PARP8: variants seen among roughly 807,000 people sequenced by gnomAD.
The protein encoded by PARP8 is protein mono-ADP-ribosyltransferase PARP8.
In PARP8, 51 loss-of-function variants were observed where a neutral mutation model predicts 124.1. That is an observed-to-expected ratio of 0.41 (90% CI 0.33 to 0.52). The LOEUF (loss-of-function observed/expected upper bound fraction) is 0.52. Among genes scored for constraint, PARP8 ranks in the 20% least tolerant of loss-of-function variants. The pLI, the probability that PARP8 is intolerant of heterozygous loss-of-function variation, is 0.21. For synonymous variants in PARP8, 391 were observed against 361.5 expected, an observed-to-expected ratio of 1.08 and a Z score of -0.93; for missense variants, 860 against 1,018.9, an observed-to-expected ratio of 0.84 and a Z score of 2.12.
At chr5:50,819,624 A>G (rs1345318962) in intron 15 of PARP8, among the ~76,000 whole-genome samples, 3 of 151,580 alleles carry the variant, frequency 2.0e-5, no homozygotes, top group Non-Finnish European at 2.9e-5. Context: ...TATTTTTAGT[A>G]GAGACGGGGT....
intron 2 of PARP8, among the ~76,000 whole-genome samples, chr5:50,698,309 C>CCTTTGTA (rs1410004561): frequency 6.6e-6 from 1 of 152,146 alleles, no homozygotes; most frequent in Non-Finnish European, 1.5e-5. Flanking sequence ...TTCAACATGA[C>CCTTTGTA]CTTTGTACTT....
intron 2 of PARP8, chr5:50,741,723 T>C (rs968013725): frequency 1.3e-5 from 4 of 301,166 alleles, no homozygotes; most frequent in African/African-American, 9.2e-5. Context: ...TTAATGTTTG[T>C]TGGGCAAGAG....
chr5:50,798,984 TA>T (rs1484954108), intron 14 of PARP8, among the ~76,000 whole-genome samples: 1 of 152,230 alleles, frequency 6.6e-6, no homozygotes, highest in Non-Finnish European at 1.5e-5. Context: ...CTTTACCACA[TA>T]TATGATTTGC....
intron 25 of PARP8, 151 bp downstream of exon 25, chr5:50,835,166 C>T (rs1580510294): frequency 1.6e-6 from 1 of 631,104 alleles, no homozygotes; most frequent in East Asian, 2.8e-5. Context: ...TTTCAGTAAG[C>T]CATTAAAAAA....
At chr5:50,695,434 A>C (rs1752921964) in intron 2 of PARP8, among the ~76,000 whole-genome samples, 1 of 152,176 alleles carries the variant, frequency 6.6e-6, no homozygotes, top group Admixed American at 6.5e-5. Flanking sequence ...TGATTGTTGG[A>C]GTCTGACCAG....
intron 3 of PARP8, among the ~76,000 whole-genome samples, chr5:50,752,472 A>C (rs1580206501): frequency 6.6e-6 from 1 of 151,924 alleles, no homozygotes; most frequent in Non-Finnish European, 1.5e-5. Context: ...GAAAGTTTCT[A>C]TGTTGGTGAA....
chr5:50,720,654 T>G (rs1220418259), intron 2 of PARP8, among the ~76,000 whole-genome samples: 2 of 152,022 alleles, frequency 1.3e-5, no homozygotes, highest in Admixed American at 1.3e-4. Context: ...ATAGTCCTGA[T>G]TCAGTGCACC....
intron 17 of PARP8, among the ~76,000 whole-genome samples, chr5:50,822,740 ATTAT>A (rs1745901856): frequency 1.3e-5 from 2 of 152,336 alleles, no homozygotes; most frequent in East Asian, 3.9e-4. Context: ...ATTTCAAAAC[ATTAT>A]TTGAGTATTA....
chr5:50,774,489 G>A (rs1282291088), intron 7 of PARP8, among the ~76,000 whole-genome samples: 10 of 150,266 alleles, frequency 6.7e-5, no homozygotes, highest in African/African-American at 2.2e-4. Context: ...CAGACGGGGC[G>A]GCCGGGCAGA....
At chr5:50,683,491 C>T (rs147934680) in intron 2 of PARP8, among the ~76,000 whole-genome samples, 1,559 of 152,144 alleles carry the variant, frequency 0.01, 25 homozygotes, top group Non-Finnish European at 0.013. Flanking sequence ...GTGACTTCTG[C>T]CTTCATTATG....
intron 2 of PARP8, among the ~76,000 whole-genome samples, chr5:50,695,444 G>C (rs146659051): frequency 1.6e-3 from 247 of 152,216 alleles, no homozygotes; most frequent in African/African-American, 5.6e-3. Context: ...AGTCTGACCA[G>C]CTTAGCTAAT....
At chr5:50,782,478 G>C (rs897974493) in intron 9 of PARP8, among the ~76,000 whole-genome samples, 3 of 152,182 alleles carry the variant, frequency 2.0e-5, no homozygotes, top group Non-Finnish European at 4.4e-5. Flanking sequence ...ACTGGAGACA[G>C]TGTTACTAAA....
intron 2 of PARP8, among the ~76,000 whole-genome samples, chr5:50,670,892 AT>A (rs1387628080): frequency 6.6e-6 from 1 of 152,224 alleles, no homozygotes; most frequent in Non-Finnish European, 1.5e-5. Context: ...AGGTGTAATT[AT>A]TTGGTTATAA....
chr5:50,721,556 T>TA (rs1755887043), intron 2 of PARP8, among the ~76,000 whole-genome samples: 1 of 152,092 alleles, frequency 6.6e-6, no homozygotes, highest in African/African-American at 2.4e-5. Flanking sequence ...ACCTGTGACT[T>TA]ACTAAATAAC....
intron 14 of PARP8, among the ~76,000 whole-genome samples, chr5:50,802,181 T>C (rs1038826031): frequency 1.4e-4 from 21 of 152,200 alleles, no homozygotes; most frequent in Non-Finnish European, 2.6e-4. Flanking sequence ...TTCTTTTGTG[T>C]GTTTAATAGG....
rs1290565525 is a variant in PARP8, at chr5:50,709,997, TAC to T, written c.147-40144_147-40143del. ...ACACACACACATATATATACATATA[TAC>T]ACACACACATATATACACACATATA... is the stretch of plus-strand genomic sequence containing the variant. On this transcript the variant is annotated intron_variant, in intron 2 of 25. Transcript: ENST00000281631. Among the ~76,000 whole-genome samples, 4 of 147,406 alleles carry T rather than the reference TAC, an allele frequency of 2.7e-5. 1 individual carries two copies. The highest frequency in any genetic ancestry group is 5.0e-5 in the African/African-American group (2 of 40,364).
At chr5:50,728,003 C>T (rs1335599687) in intron 2 of PARP8, among the ~76,000 whole-genome samples, 1 of 152,132 alleles carries the variant, frequency 6.6e-6, no homozygotes, top group Non-Finnish European at 1.5e-5. Flanking sequence ...AGTGGGTCTT[C>T]AGTAATCATT....
At chr5:50,770,150 C>T (rs572909696) in intron 7 of PARP8, among the ~76,000 whole-genome samples, 29 of 152,166 alleles carry the variant, frequency 1.9e-4, no homozygotes, top group Non-Finnish European at 3.8e-4. Context: ...ATTTTTTCTC[C>T]TATCAACATG....
intron 1 of PARP8, 23 bp downstream of exon 1, chr5:50,667,209 C>T (rs1208103914): frequency 1.3e-6 from 2 of 1,595,690 alleles, no homozygotes; most frequent in Non-Finnish European, 1.7e-6. Context: ...TTTTCCAGAA[C>T]CTCGGACCCA....
Sources: allele counts gnomAD v4.1 joint callset (sites outside exome capture counted in the v4.1 genomes callset), GRCh38; gene constraint gnomAD v4.1.1; transcripts MANE v1.5; gene names NCBI Gene and HGNC (gene_info 2026-07-23, HGNC 2026-07-21).